PKD2L2: variants seen among roughly 807,000 people sequenced by gnomAD.
PKD2L2 encodes the protein polycystin 2 like 2, transient receptor potential cation channel.
In PKD2L2, 67 loss-of-function variants were observed where a neutral mutation model predicts 83.9. That is an observed-to-expected ratio of 0.80 (90% confidence interval 0.66 to 0.98). The LOEUF (loss-of-function observed/expected upper bound fraction) is 0.98. Ranked by LOEUF, PKD2L2 falls within the 50% of genes least tolerant of loss-of-function variation. The pLI is 0.00. For missense variants in PKD2L2, 632 were observed against 717.2 expected (o/e 0.88, Z 1.36); for synonymous variants, 223 against 237.8 (o/e 0.94, Z 0.57).
chr5:137,900,392 G>A (rs1018453916), intron 5 of PKD2L2, among the ~76,000 whole-genome samples: 1 of 152,146 alleles, frequency 6.6e-6, no homozygotes, highest in Non-Finnish European at 1.5e-5. Context: ...ATAACACCAT[G>A]GGACCCATAC....
At chr5:137,926,873 G>GT (rs1447460500) in intron 12 of PKD2L2, among the ~76,000 whole-genome samples, 3 of 152,170 alleles carry the variant, frequency 2.0e-5, no homozygotes, top group African/African-American at 7.2e-5. Flanking sequence ...AGGGCCGACT[G>GT]TGAGACTTGA....
intron 10 of PKD2L2, among the ~76,000 whole-genome samples, chr5:137,924,026 A>AT (rs1759161938): frequency 6.6e-6 from 1 of 152,210 alleles, no homozygotes; most frequent in Non-Finnish European, 1.5e-5. Context: ...GTCACGGCAC[A>AT]TGTATAGTTT....
At chr5:137,916,254 C>G (rs1270548304) in intron 8 of PKD2L2, among the ~76,000 whole-genome samples, 13 of 152,020 alleles carry the variant, frequency 8.6e-5, no homozygotes. Flanking sequence ...CGGCTCACCA[C>G]AACCTCTGAC....
chr5:137,911,481 T>C (rs1757829499), intron 8 of PKD2L2, among the ~76,000 whole-genome samples: 3 of 152,226 alleles, frequency 2.0e-5, no homozygotes, highest in African/African-American at 2.4e-5. Flanking sequence ...CCTTTGGTTA[T>C]ATACCCAGAA....
rs775996141 is a variant in PKD2L2 at position 137,890,467 on chromosome 5, CTT to C, written c.32-13_32-12del. On this transcript the variant is annotated splice_polypyrimidine_tract_variant and intron_variant, in intron 1 of 14. Transcript: ENST00000508883. ...ATAATAATGTAAAGAAAAATTTTGT[CTT>C]ATATCTCACAGGGGCTTCGAAACAT... The C allele has an allele frequency of 6.8e-7, 1 of 1,466,974 alleles. No individual in the cohort carries two copies. Among genetic ancestry groups the C allele is most frequent in the Non-Finnish European group, 9.3e-7 (1 of 1,069,670 alleles). 90.9% of individuals were successfully genotyped at this position (1,466,974 alleles called of 1,614,324 possible). A position where few individuals can be genotyped will look rare whatever the true frequency, so the allele number is the denominator to read the frequency against.
Position 137,907,831 on chromosome 5 carries a change from T to A in PKD2L2, c.1065T>A (p.Tyr355Ter). The A allele has an allele frequency of 6.4e-7, 1 of 1,563,108 alleles. No individual in the cohort carries two copies. Among genetic ancestry groups the A allele is most frequent in the Non-Finnish European group, 8.8e-7 (1 of 1,137,208 alleles). ...LGQLLKSTEK[Y>*]SDFYFLACWH... ...AGCTGTTGAAAAGTACTGAAAAATA[T>A]TCAGATTTCTATTTTCTTGCATGCT... The change falls in exon 7 of 15, where the codon TAT (tyrosine) becomes TAA (stop). Residue 355 changes from tyrosine to a stop codon, truncating the protein, a stop_gained. Transcript: ENST00000508883. LOFTEE classifies it high-confidence loss of function.
Position 137,936,361 on chromosome 5 carries a change from ACAT to A in PKD2L2, c.1829_1831del (p.Ile610del), listed in dbSNP as rs1561712483. The A allele has an allele frequency of 6.5e-7, 1 of 1,532,288 alleles. No individual in the cohort carries two copies. The highest frequency in any genetic ancestry group is 8.7e-7 in the Non-Finnish European group (1 of 1,143,158). 94.9% of individuals were successfully genotyped at this position (1,532,288 alleles called of 1,614,324 possible). ...GTGGAGCTGGAGAAGGAATTACACT[ACAT>A]CAATTTGAAGCTAAATCAAGTGGTG... On this transcript the variant is annotated inframe_deletion, in exon 14 of 15. Transcript: ENST00000508883.
At chr5:137,910,333 T>C (rs186280281) in intron 8 of PKD2L2, among the ~76,000 whole-genome samples, 41 of 151,462 alleles carry the variant, frequency 2.7e-4, no homozygotes, top group Admixed American at 2.2e-3. Context: ...CCTAGGAAAT[T>C]TGTCTTACCG....
chr5:137,939,750 C>CA (rs1554112646), intron 14 of PKD2L2: 7 of 613,834 alleles, frequency 1.1e-5, no homozygotes, highest in Non-Finnish European at 1.1e-5. Context: ...ACAGAGAACA[C>CA]AGTTGCGTAT....
At chr5:137,928,528 C>T (rs1217821972) in intron 12 of PKD2L2, among the ~76,000 whole-genome samples, 1 of 152,184 alleles carries the variant, frequency 6.6e-6, no homozygotes, top group Admixed American at 6.5e-5. Flanking sequence ...CCTCCATGGG[C>T]TCAGGTGATC....
chr5:137,898,141 A>T (rs918971947), intron 4 of PKD2L2, among the ~76,000 whole-genome samples: 3 of 151,708 alleles, frequency 2.0e-5, no homozygotes, highest in South Asian at 2.1e-4. Flanking sequence ...TAATTTTTGT[A>T]TTTTTAGTAG....
At chr5:137,935,089 C>T (rs762177911) in intron 12 of PKD2L2, among the ~76,000 whole-genome samples, 4 of 152,206 alleles carry the variant, frequency 2.6e-5, no homozygotes, top group African/African-American at 4.8e-5. Flanking sequence ...AAGTATCATA[C>T]AAATTTACTG....
rs773903735 is a variant in PKD2L2, at chr5:137,891,944, C to T, written c.134-536C>T. ...CAGGTGATCCACCCACCTCAGCCTC[C>T]CAAAGTTCTGGGATTATGGGTGCAA... On this transcript the variant is annotated intron_variant, in intron 2 of 14. Coordinates refer to ENST00000508883, the MANE Select transcript of PKD2L2 (RefSeq NM_001300921.2). Among the ~76,000 whole-genome samples the T allele has an allele frequency of 3.9e-4, 60 of 152,142 alleles. 1 individual carries two copies. Among genetic ancestry groups the T allele is most frequent in the Non-Finnish European group, 7.6e-4 (52 of 68,026 alleles).
chr5:137,937,084 T>C (rs764095339), intron 14 of PKD2L2, among the ~76,000 whole-genome samples: 12 of 152,236 alleles, frequency 7.9e-5, no homozygotes, highest in South Asian at 2.1e-4. Context: ...AGAAAAACTA[T>C]TGATGCTATC....
intron 8 of PKD2L2, among the ~76,000 whole-genome samples, chr5:137,911,581 T>A (rs1476519004): frequency 6.6e-6 from 1 of 152,224 alleles, no homozygotes. Flanking sequence ...TATGGTGTGA[T>A]GTTTTGATAC....
intron 14 of PKD2L2, chr5:137,938,579 C>T (rs906869227): frequency 3.3e-5 from 5 of 152,498 alleles, no homozygotes; most frequent in African/African-American, 9.7e-5. Flanking sequence ...GGAAACCACA[C>T]AAAAAGGGCA....
At position 137,909,531 on chromosome 5, in the gene PKD2L2, A is replaced by G. The variant is rs578204576; in HGVS notation, c.1328+585A>G. Among the ~76,000 whole-genome samples the G allele has an allele frequency of 1.3e-3, 187 of 138,918 alleles. 4 individuals carry two copies. The highest frequency in any genetic ancestry group is 0.011 in the Middle Eastern group (3 of 278). 91.1% of individuals were successfully genotyped at this position (138,918 alleles called of 152,430 possible). The stretch of plus-strand genomic sequence containing the variant: ...TCTCTGTGGTGTTTATTCTCTGGAC[A>G]AAAGAAATTTTTTTTTTTTTTTTTT... On this transcript the variant is annotated intron_variant, in intron 8 of 14. Transcript: ENST00000508883.
At chr5:137,900,330 T>C (rs1464261642) in intron 5 of PKD2L2, among the ~76,000 whole-genome samples, 1 of 152,222 alleles carries the variant, frequency 6.6e-6, no homozygotes, top group African/African-American at 2.4e-5. Context: ...AGTGATCTCT[T>C]ATAGTTCTCG....
At chr5:137,938,997 A>G (rs1475393876) in intron 14 of PKD2L2, 1 of 152,216 alleles carries the variant, frequency 6.6e-6, no homozygotes, top group Admixed American at 6.5e-5. Context: ...TGAAGTCACC[A>G]TTCTGTAACA....
Sources: gnomAD v4.1 joint callset for allele counts (sites outside exome capture counted in the v4.1 genomes callset) on GRCh38, gnomAD v4.1.1 for gene constraint, MANE v1.5 for transcripts, NCBI Gene and HGNC (gene_info 2026-07-23, HGNC 2026-07-21) for gene names.